The following GRTP1 variants were observed in gnomAD, a reference collection of about 807,000 sequenced individuals.
The protein encoded by GRTP1 is growth hormone regulated TBC protein 1.
Under a neutral mutation model 38.1 loss-of-function variants are expected in GRTP1, and 56 were observed. That is an observed-to-expected ratio of 1.47 (90% CI 1.19 to 1.84). GRTP1 has a LOEUF of 1.84. GRTP1 is among the 40% of genes most tolerant of loss of function. GRTP1 has a pLI of 0.00. For synonymous variants in GRTP1, 217 were observed against 189.5 expected, an observed-to-expected ratio of 1.14 and a Z score of -1.19; for missense variants, 506 against 453.9, an observed-to-expected ratio of 1.11 and a Z score of -1.04.
chr13:113,363,694 C>CTT (rs1172859780), intron 2 of GRTP1, 68 bp downstream of exon 2: 15 of 1,447,958 alleles, frequency 1.0e-5, no homozygotes, highest in African/African-American at 1.6e-5. Flanking sequence ...GGAGCCCGGA[C>CTT]TTTGCCCGGC....
At chr13:113,355,073 G>A (rs2043357967) in intron 3 of GRTP1, 1 of 420,214 alleles carries the variant, frequency 2.4e-6, no homozygotes, top group South Asian at 4.3e-5. Context: ...TTCATGGAGC[G>A]CATCTGCTCC....
chr13:113,348,025 T>A lies in GRTP1; in HGVS notation c.465+2824A>T, dbSNP rs917924476. On this transcript the variant is annotated intron_variant, in intron 4 of 7. Coordinates refer to ENST00000375431, the MANE Select transcript of GRTP1 (RefSeq NM_024719.4). This position sits in a 1 kb window ranked among gnomAD's most constrained non-coding sequence, Gnocchi z 4.8. Reference sequence around the variant, plus strand: ...GTGGCTGAGCGGACCTGGGAGGACCTGTCTGGCCGAGTGGACCCGGGAGGA... The same window carrying A: ...GTGGCTGAGCGGACCTGGGAGGACCAGTCTGGCCGAGTGGACCCGGGAGGA... Among the ~76,000 whole-genome samples, 1 of 152,106 alleles carries A rather than the reference T, an allele frequency of 6.6e-6. No individual in the cohort carries two copies. Among genetic ancestry groups the A allele is most frequent in the Non-Finnish European group, 1.5e-5 (1 of 67,990 alleles).
chr13:113,346,073 G>GA lies in GRTP1; in HGVS notation c.466-1115_466-1114insT, dbSNP rs1566429027. ...GAGCAGACCCGGGAGGACCTCTGCG[G>GA]CTGAGCAGACCTGGGAAGACATCTG... On this transcript the variant is annotated intron_variant, in intron 4 of 7. Transcript: ENST00000375431. Among the ~76,000 whole-genome samples the GA allele has an allele frequency of 8.9e-3, 740 of 83,148 alleles. 215 individuals are homozygous for GA. Among genetic ancestry groups the GA allele is most frequent in the African/African-American group, 0.011 (200 of 18,596 alleles). 54.5% of individuals were successfully genotyped at this position (83,148 alleles called of 152,430 possible).
chr13:113,346,150 G>A (rs1420609139), intron 4 of GRTP1, among the ~76,000 whole-genome samples: 4 of 146,152 alleles, frequency 2.7e-5, no homozygotes, highest in East Asian at 2.0e-4. Flanking sequence ...AGACCCGGGA[G>A]GACCTCTGTG....
rs1261552680 is a variant in GRTP1, at chr13:113,345,643, C to T, written c.466-684G>A. On this transcript the variant is annotated intron_variant, in intron 4 of 7. Coordinates refer to ENST00000375431, the MANE Select transcript of GRTP1 (RefSeq NM_024719.4). ...GGAAAAGAATCCAGCTTCTGCCAGC[C>T]CACAAGATCAATTCACGTGATCGGA... Among the ~76,000 whole-genome samples the T allele has an allele frequency of 2.0e-5, 3 of 152,242 alleles. No homozygotes were observed. The East Asian group carries it at 5.8e-4, about 29-fold the overall frequency.
chr13:113,351,347 C>T (rs942667306), intron 3 of GRTP1, among the ~76,000 whole-genome samples: 2 of 152,222 alleles, frequency 1.3e-5, no homozygotes, highest in African/African-American at 4.8e-5. Context: ...CTCGAGGACC[C>T]AGGGTGACAG....
intron 4 of GRTP1, among the ~76,000 whole-genome samples, chr13:113,350,588 A>G (rs2043245607): frequency 6.6e-6 from 1 of 151,242 alleles, no homozygotes; most frequent in African/African-American, 2.4e-5. Context: ...CACACACCCC[A>G]CAGCGCACGC....
At chr13:113,328,881 G>A (rs2042814573) in intron 5 of GRTP1, among the ~76,000 whole-genome samples, 1 of 152,000 alleles carries the variant, frequency 6.6e-6, no homozygotes, top group African/African-American at 2.4e-5. Context: ...TTACAAAGCA[G>A]CCTTGTGGAC....
In GRTP1 at chr13:113,333,662, G is replaced by A. The variant is rs190900798; in HGVS notation, c.563-7571C>T. Among the ~76,000 whole-genome samples the A allele has an allele frequency of 1.6e-3, 239 of 151,816 alleles. 3 individuals are homozygous for A. The highest frequency in any genetic ancestry group is 0.014 in the South Asian group (68 of 4,796). ...TGGGATTACAGGTGTGCACCACCACGCCCAGCTAATTTTTGTATTTTTAGT... is the reference window on the plus strand; with the variant it reads ...TGGGATTACAGGTGTGCACCACCACACCCAGCTAATTTTTGTATTTTTAGT... On this transcript the variant is annotated intron_variant, in intron 5 of 7. Coordinates refer to ENST00000375431, the MANE Select transcript of GRTP1 (RefSeq NM_024719.4).
intron 5 of GRTP1, among the ~76,000 whole-genome samples, chr13:113,328,297 C>A (rs1433759933): frequency 1.3e-5 from 2 of 152,214 alleles, no homozygotes; most frequent in Non-Finnish European, 2.9e-5. Context: ...CTGACACTCC[C>A]CTGCACACCC....
rs371761149 is a variant in GRTP1 at position 113,347,625 on chromosome 13, C to T, written c.466-2666G>A. ...CCGGGAGGACCTCTGTGGCTGAGAG[C>T]GGACCTGGGAGGACCTCTGTGGCTG... On this transcript the variant is annotated intron_variant, in intron 4 of 7. Coordinates refer to ENST00000375431, the MANE Select transcript of GRTP1 (RefSeq NM_024719.4). Among the ~76,000 whole-genome samples the T allele has an allele frequency of 5.4e-4, 29 of 54,022 alleles. 1 individual carries two copies. The highest frequency in any genetic ancestry group is 1.2e-3 in the African/African-American group (13 of 11,242). 35.4% of individuals were successfully genotyped at this position (54,022 alleles called of 152,430 possible).
chr13:113,336,283 A>T (rs2042952418), intron 5 of GRTP1, among the ~76,000 whole-genome samples: 1 of 134,006 alleles, frequency 7.5e-6, no homozygotes, highest in African/African-American at 2.8e-5. Flanking sequence ...CACACCCAGC[A>T]GTGGGAATAA....
intron 3 of GRTP1, chr13:113,351,738 G>A (rs1419035921): frequency 6.6e-6 from 1 of 152,326 alleles, no homozygotes; most frequent in Non-Finnish European, 1.5e-5. Context: ...AAGCCGAGCA[G>A]GAAGGATAAT....
rs550789935 is a variant in GRTP1 at position 113,352,868 on chromosome 13, T to C, written c.341-1895A>G. 3.3e-5 allele frequency among the ~76,000 whole-genome samples: 5 copies of C among 152,306 alleles called. No homozygotes were observed. In the East Asian group the frequency reaches 5.8e-4, roughly 18 times the overall value. On this transcript the variant is annotated intron_variant, in intron 3 of 7. Transcript: ENST00000375431. Reference sequence around the variant, plus strand: ...CCAATTACTAAGCACAGAACTGTCATGGATCCAGCAGCCCCACACTCTAGG... The same window carrying C: ...CCAATTACTAAGCACAGAACTGTCACGGATCCAGCAGCCCCACACTCTAGG...
intron 4 of GRTP1, among the ~76,000 whole-genome samples, chr13:113,346,217 TGTGGCTGAGAACAGACCC>T (rs2043123073): frequency 7.5e-6 from 1 of 133,134 alleles, no homozygotes; most frequent in African/African-American, 2.9e-5. Flanking sequence ...GGAGGACCTC[TGTGGCTGAGAACAGACCC>T]GGGAGGACCT....
intron 5 of GRTP1, among the ~76,000 whole-genome samples, chr13:113,332,369 G>A (rs4907609): frequency 0.51 from 18,261 of 36,144 alleles, 4,808 homozygotes; most frequent in Non-Finnish European, 0.67. Flanking sequence ...ACGTGCACAC[G>A]CACACCACAC....
intron 5 of GRTP1, among the ~76,000 whole-genome samples, chr13:113,334,282 A>ACCCAGCACTGCTACGACC: frequency 6.9e-6 from 1 of 144,936 alleles, no homozygotes; most frequent in South Asian, 2.2e-4. Context: ...CTGCCACGAC[A>ACCCAGCACTGCTACGACC]GCCTCCCGCC....
intron 5 of GRTP1, among the ~76,000 whole-genome samples, chr13:113,328,832 C>A (rs559319493): frequency 6.6e-6 from 1 of 152,354 alleles, no homozygotes; most frequent in East Asian, 1.9e-4. Context: ...CTCCCTTTCC[C>A]TACCAGGAAA....
rs2075310965 is a variant in GRTP1 at position 113,349,886 on chromosome 13, C to T, written c.465+963G>A. ...CATCACTGGGACTGCTAGGTTCGAA[C>T]CACCCATCGCGACGATGTCCTTCCC... On this transcript the variant is annotated intron_variant, in intron 4 of 7. Coordinates refer to ENST00000375431, the MANE Select transcript of GRTP1 (RefSeq NM_024719.4). The surrounding 1 kb of genome is among the most constrained non-coding windows in gnomAD (Gnocchi z 5.0). Among the ~76,000 whole-genome samples the T allele has an allele frequency of 6.7e-6, 1 of 148,740 alleles. No homozygotes were observed. Among genetic ancestry groups the T allele is most frequent in the African/African-American group, 2.5e-5 (1 of 39,996 alleles).
Sources: gnomAD v4.1 joint callset for allele counts (sites outside exome capture counted in the v4.1 genomes callset) on GRCh38, gnomAD v4.1.1 for gene constraint, Gnocchi (gnomAD v3.1) non-coding constraint, MANE v1.5 for transcripts, NCBI Gene and HGNC (gene_info 2026-07-23, HGNC 2026-07-21) for gene names.